Variants in HPSE2 observed in about 807,000 individuals in gnomAD.
HPSE2 encodes heparanase 2 (inactive).
Under a neutral mutation model 60.5 loss-of-function variants are expected in HPSE2, and 38 were observed. The ratio of observed to expected loss-of-function variants is 0.63; its 90% confidence interval spans 0.48 to 0.82. HPSE2 has a LOEUF of 0.82. Among genes scored for constraint, HPSE2 ranks in the 40% least tolerant of loss-of-function variants. HPSE2 has a pLI of 0.00. For missense variants in HPSE2, 713 were observed against 740.4 expected (o/e 0.96, Z 0.43); for synonymous variants, 295 against 293.2 (o/e 1.01, Z -0.06).
intron 11 of HPSE2, among the ~76,000 whole-genome samples, chr10:98,481,258 C>G (rs1415661872): frequency 2.0e-5 from 3 of 152,172 alleles, no homozygotes; most frequent in Non-Finnish European, 4.4e-5. Context: ...AAATCACACC[C>G]AGGATGAGAG....
At chr10:99,299,370 A>C in the HPSE2 span, among the ~76,000 whole-genome samples, 45 of 152,198 alleles carry the variant, frequency 3.0e-4, no homozygotes, top group Non-Finnish European at 4.7e-4. Flanking sequence ...ACAATCAGAG[A>C]ATATGTGCCT....
intron 3 of HPSE2, among the ~76,000 whole-genome samples, chr10:98,882,376 G>C (rs527458735): frequency 6.6e-6 from 1 of 152,024 alleles, no homozygotes; most frequent in African/African-American, 2.4e-5. Flanking sequence ...TCAAAGTCTC[G>C]ATGACTTACA....
At position 99,224,750 on chromosome 10, in the gene HPSE2, T is replaced by A. The variant is rs114113128; in HGVS notation, c.448+7598A>T. The stretch of plus-strand genomic sequence containing the variant: ...GGCAGATGAAATAATAATTTGGTAT[T>A]GGCAACAGTAGTACAGTTGCATTGT... On this transcript the variant is annotated intron_variant, in intron 2 of 11. Transcript: ENST00000370552. Among the ~76,000 whole-genome samples the A allele has an allele frequency of 4.8e-3, 737 of 152,238 alleles. 6 individuals are homozygous for A. Among genetic ancestry groups the A allele is most frequent in the African/African-American group, 0.016 (683 of 41,572 alleles).
At chr10:99,268,611 A>G in the HPSE2 span, among the ~76,000 whole-genome samples, 1 of 149,854 alleles carries the variant, frequency 6.7e-6, no homozygotes. Context: ...GGGCCTCTGC[A>G]CTCCAGCATT....
At chr10:98,914,662 C>G (rs1419626233) in intron 3 of HPSE2, among the ~76,000 whole-genome samples, 1 of 147,902 alleles carries the variant, frequency 6.8e-6, no homozygotes, top group Non-Finnish European at 1.5e-5. Flanking sequence ...TTACCCAGAT[C>G]CCAATAAATA....
chr10:98,495,143 T>A (rs190712525), intron 9 of HPSE2, among the ~76,000 whole-genome samples: 72 of 152,234 alleles, frequency 4.7e-4, no homozygotes, highest in African/African-American at 1.6e-3. Flanking sequence ...GAAGAAAAAA[T>A]TTTGATGGAT....
intron 3 of HPSE2, among the ~76,000 whole-genome samples, chr10:99,070,752 T>C (rs1842761542): frequency 6.6e-6 from 1 of 152,222 alleles, no homozygotes; most frequent in Non-Finnish European, 1.5e-5. Context: ...TGTGGAATAA[T>C]ACAGTATTCG....
At chr10:99,168,040 A>G (rs1847154002) in intron 2 of HPSE2, among the ~76,000 whole-genome samples, 1 of 150,456 alleles carries the variant, frequency 6.6e-6, no homozygotes, top group Admixed American at 6.7e-5. Flanking sequence ...TGGATACCGA[A>G]TTTTATCAAA....
At chr10:98,978,450 T>C (rs1956136574) in intron 3 of HPSE2, among the ~76,000 whole-genome samples, 1 of 152,112 alleles carries the variant, frequency 6.6e-6, no homozygotes, top group Non-Finnish European at 1.5e-5. Flanking sequence ...TTACAAGTAT[T>C]AGGTAGTACC....
chr10:98,941,157 C>G (rs1188858334), intron 3 of HPSE2, among the ~76,000 whole-genome samples: 2 of 141,094 alleles, frequency 1.4e-5, no homozygotes, highest in Admixed American at 1.4e-4. Flanking sequence ...GAAGCAATCC[C>G]TTAGAAAACT....
intron 3 of HPSE2, among the ~76,000 whole-genome samples, chr10:99,129,847 C>A (rs1331633408): frequency 2.7e-5 from 4 of 149,656 alleles, no homozygotes; most frequent in African/African-American, 7.3e-5. Context: ...AAAGCTGGTT[C>A]TTTGAAGAGA....
rs141737631 is a variant in HPSE2 at position 99,095,353 on chromosome 10, A to G, written c.610+48885T>C. 2.7e-3 allele frequency among the ~76,000 whole-genome samples: 417 copies of G among 152,264 alleles called. 2 individuals carry two copies. The highest frequency in any genetic ancestry group is 0.02 in the Middle Eastern group (6 of 294). ...AACATTCACTTTCACTGATATTTCT[A>G]TTGTGACTCCTTTTTTGTATTTACC... On this transcript the variant is annotated intron_variant, in intron 3 of 11. Transcript: ENST00000370552.
intron 3 of HPSE2, among the ~76,000 whole-genome samples, chr10:98,969,222 C>T (rs1406269848): frequency 1.3e-5 from 2 of 152,070 alleles, no homozygotes; most frequent in African/African-American, 2.4e-5. Flanking sequence ...CTGAGCATGG[C>T]ATATATGAAA....
chr10:99,224,904 T>C (rs1378090133), intron 2 of HPSE2, among the ~76,000 whole-genome samples: 2 of 152,104 alleles, frequency 1.3e-5, no homozygotes, highest in Non-Finnish European at 2.9e-5. Context: ...CCACAAGTAA[T>C]GGACCAGTAT....
chr10:99,030,138 T>C (rs949842650), intron 3 of HPSE2, among the ~76,000 whole-genome samples: 1 of 152,216 alleles, frequency 6.6e-6, no homozygotes, highest in African/African-American at 2.4e-5. Flanking sequence ...CGAGGATTAT[T>C]ATAATATTGG....
chr10:99,225,635 A>G (rs1849447857), intron 2 of HPSE2, among the ~76,000 whole-genome samples: 1 of 152,106 alleles, frequency 6.6e-6, no homozygotes, highest in South Asian at 2.1e-4. Flanking sequence ...CAGTTTAGTT[A>G]GAGGGAGGGG....
At chr10:98,883,218 A>G (rs1953074352) in intron 3 of HPSE2, among the ~76,000 whole-genome samples, 1 of 152,098 alleles carries the variant, frequency 6.6e-6, no homozygotes, top group Admixed American at 6.6e-5. Context: ...TTAAAAAAAA[A>G]CTTTTTTAAC....
intron 9 of HPSE2, among the ~76,000 whole-genome samples, chr10:98,588,193 T>C (rs1944988899): frequency 6.6e-6 from 1 of 152,154 alleles, no homozygotes; most frequent in African/African-American, 2.4e-5. Context: ...ACAGCAAAGC[T>C]TGGAGGTCTG....
intron 2 of HPSE2, among the ~76,000 whole-genome samples, chr10:99,217,970 A>C (rs777080299): frequency 2.0e-5 from 3 of 152,096 alleles, no homozygotes; most frequent in Admixed American, 6.5e-5. Flanking sequence ...AGCTTCTATC[A>C]AATGGGACAA....
Sources: gnomAD v4.1 joint callset for allele counts (sites outside exome capture counted in the v4.1 genomes callset) on GRCh38, gnomAD v4.1.1 for gene constraint, MANE v1.5 for transcripts, NCBI Gene and HGNC (gene_info 2026-07-23, HGNC 2026-07-21) for gene names.